Variants in KIF16B observed in about 807,000 individuals in gnomAD.
The protein encoded by KIF16B is kinesin-like protein KIF16B.
Under a neutral mutation model 156.3 loss-of-function variants are expected in KIF16B, and 98 were observed. That is an observed-to-expected ratio of 0.63 (90% confidence interval 0.53 to 0.74). The LOEUF is 0.74. Among genes scored for constraint, KIF16B ranks in the 30% least tolerant of loss-of-function variants. The pLI, the probability that KIF16B is intolerant of heterozygous loss-of-function variation, is 0.00. For synonymous variants in KIF16B, 564 were observed against 583.7 expected, an observed-to-expected ratio of 0.97 and a Z score of 0.49; for missense variants, 1,421 against 1,606.5, an observed-to-expected ratio of 0.88 and a Z score of 1.97.
At chr20:16,427,315 A>C (rs2273425) in intron 14 of KIF16B, 74 bp from the exon 15 acceptor site, 576,526 of 1,292,580 alleles carry the variant, frequency 0.45, 134,337 homozygotes, top group East Asian at 0.77. Context: ...ATTTATCTAT[A>C]AATTTATTTA....
At chr20:16,486,763 A>G (rs1165623887) in intron 12 of KIF16B, among the ~76,000 whole-genome samples, 1 of 152,180 alleles carries the variant, frequency 6.6e-6, no homozygotes, top group Non-Finnish European at 1.5e-5. Context: ...ATAACTAACT[A>G]TAAACAATAT....
At chr20:16,441,705 C>T (rs958652585) in intron 12 of KIF16B, among the ~76,000 whole-genome samples, 1 of 152,064 alleles carries the variant, frequency 6.6e-6, no homozygotes, top group African/African-American at 2.4e-5. Context: ...CAAATGACAC[C>T]TCTATCCTGC....
rs563551960 is a variant in KIF16B, at chr20:16,471,982, C to G, written c.1302+22309G>C. ...CAAATATGAGTCCAAAATTCAAGAA[C>G]TCCATGGCTGGCCTAATGTTAACAT... On this transcript the variant is annotated intron_variant, in intron 12 of 25. Coordinates refer to ENST00000354981, the MANE Select transcript of KIF16B (RefSeq NM_024704.5). 3.9e-5 allele frequency among the ~76,000 whole-genome samples: 6 copies of G among 152,302 alleles called. No individual in the cohort carries two copies. The East Asian group carries it at 1.2e-3, about 29-fold the overall frequency.
intron 12 of KIF16B, among the ~76,000 whole-genome samples, chr20:16,473,069 C>A (rs1455341261): frequency 6.6e-6 from 1 of 152,138 alleles, no homozygotes; most frequent in African/African-American, 2.4e-5. Context: ...TGGTAACCTA[C>A]AAAGAATAAA....
chr20:16,283,659 A>C lies in KIF16B; in HGVS notation c.3796-10248T>G, dbSNP rs547689454. On this transcript the variant is annotated intron_variant, in intron 25 of 25. Transcript: ENST00000354981. ...GCCTATATCAGTTTTCTACAGCTGC[A>C]CAACAAATTACCACAAACGTTGTGG... Among the ~76,000 whole-genome samples the C allele has an allele frequency of 1.1e-3, 173 of 152,322 alleles. 2 individuals carry two copies. The highest frequency in any genetic ancestry group is 2.0e-3 in the Non-Finnish European group (133 of 68,028).
intron 1 of KIF16B, among the ~76,000 whole-genome samples, chr20:16,562,659 A>C (rs1488375001): frequency 6.6e-6 from 1 of 152,236 alleles, no homozygotes; most frequent in Non-Finnish European, 1.5e-5. Context: ...AACAGCCATG[A>C]ACAAGATCTA....
chr20:16,568,598 G>A (rs1368170749), intron 1 of KIF16B, among the ~76,000 whole-genome samples: 1 of 151,956 alleles, frequency 6.6e-6, no homozygotes, highest in Non-Finnish European at 1.5e-5. Flanking sequence ...AGGATCACTT[G>A]AGCCCAGGAG....
chr20:16,511,463 T>G lies in KIF16B; in HGVS notation c.511A>C (p.Asn171His), dbSNP rs1216087534. Residue 171 changes from asparagine (N) to histidine (H), a missense_variant, in exon 6 of 26, where the codon AAT (asparagine) becomes CAT (histidine). Transcript: ENST00000354981. ...TTGGGATGCTCACGGACTCTCAAAT[T>G]GAAGGTTTTAGATGACTTCCGCCGA... ...LLRRKSSKTFNLRVREHPKEG... is the reference protein window; with the variant it reads ...LLRRKSSKTFHLRVREHPKEG... 6.2e-7 allele frequency: 1 copy of G among 1,612,686 alleles called. No individual in the cohort carries two copies. The highest frequency in any genetic ancestry group is 8.5e-7 in the Non-Finnish European group (1 of 1,179,198).
chr20:16,424,529 A>T (rs559989974), intron 15 of KIF16B, among the ~76,000 whole-genome samples: 1 of 152,298 alleles, frequency 6.6e-6, no homozygotes, highest in South Asian at 2.1e-4. Flanking sequence ...ACAGTGTGCA[A>T]CCATTAAAAA....
At chr20:16,486,183 T>C (rs73597772) in intron 12 of KIF16B, among the ~76,000 whole-genome samples, 17,767 of 152,172 alleles carry the variant, frequency 0.12, 1,335 homozygotes, top group Non-Finnish European at 0.17. Context: ...GTAATCTCCA[T>C]GAGAGCAGGG....
At chr20:16,484,129 G>T (rs1397085012) in intron 12 of KIF16B, among the ~76,000 whole-genome samples, 2 of 152,170 alleles carry the variant, frequency 1.3e-5, no homozygotes, top group African/African-American at 4.8e-5. Context: ...GATAATTTAT[G>T]GCATGGCACC....
chr20:16,312,410 G>T lies in KIF16B; in HGVS notation c.3720C>A (p.Ala1240=). ...ATAGTTTCTTTGGAGGAAATTCAAG[G>T]GCAGCAAGCTGAAATAGACATTTTA... The part of the protein sequence containing the change: ...TLKLKYAELA[A]LEFPPKKLFG... The change falls in exon 25 of 26, where the codon GCC becomes GCA. Residue 1240 remains alanine (A), a synonymous_variant. Coordinates refer to ENST00000354981, the MANE Select transcript of KIF16B (RefSeq NM_024704.5). The T allele has an allele frequency of 6.2e-7, 1 of 1,611,960 alleles. No individual in the cohort carries two copies.
In KIF16B at chr20:16,312,356, A is replaced by G; in HGVS notation, c.3774T>C (p.Ala1258=). The change falls in exon 25 of 26, where the codon GCT becomes GCC. Residue 1258 remains alanine (A), a synonymous_variant. Transcript: ENST00000354981. The stretch of plus-strand genomic sequence containing the variant: ...TTACCTCTAAGTGACTTCGTCTCTC[A>G]GCAATCACACGTTCATCCTTATTTC... ...LFGNKDERVI[A]ERRSHLEKYL... is the part of the protein sequence containing the mutation. 1 of 1,613,428 alleles carries G rather than the reference A, an allele frequency of 6.2e-7. No individual in the cohort carries two copies. Among genetic ancestry groups the G allele is most frequent in the Non-Finnish European group, 8.5e-7 (1 of 1,179,616 alleles).
chr20:16,389,824 G>C (rs548079577), intron 17 of KIF16B, among the ~76,000 whole-genome samples: 1 of 152,176 alleles, frequency 6.6e-6, no homozygotes, highest in Non-Finnish European at 1.5e-5. Flanking sequence ...CATCCATCAG[G>C]TTTCCAGCTC....
intron 12 of KIF16B, among the ~76,000 whole-genome samples, chr20:16,449,074 A>G (rs2067011021): frequency 6.6e-6 from 1 of 152,202 alleles, no homozygotes; most frequent in African/African-American, 2.4e-5. Context: ...AATGTAGGAG[A>G]AGATAACAGA....
At chr20:16,343,148 A>G (rs192434585) in intron 23 of KIF16B, among the ~76,000 whole-genome samples, 35 of 152,338 alleles carry the variant, frequency 2.3e-4, no homozygotes, top group Non-Finnish European at 4.4e-4. Context: ...CAAATTCATT[A>G]CTTCTCTCCC....
At chr20:16,356,538 ATG>A in intron 22 of KIF16B, 86 bp from the exon 23 acceptor site, 1 of 1,474,352 alleles carries the variant, frequency 6.8e-7, no homozygotes, top group Non-Finnish European at 9.3e-7. Context: ...GAGGGAGAAA[ATG>A]TGTTTCAAGT....
chr20:16,445,419 C>CGTGTGTGTGTGTGTGTGTGTGTGTGTGT (rs11467171), intron 12 of KIF16B, among the ~76,000 whole-genome samples: 3 of 146,760 alleles, frequency 2.0e-5, no homozygotes, highest in African/African-American at 7.6e-5. Flanking sequence ...CATGTATATA[C>CGTGTGTGTGTGTGTGTGTGTGTGTGTGT]GTGTGTGTGT....
intron 24 of KIF16B, among the ~76,000 whole-genome samples, chr20:16,318,991 C>T (rs2063737115): frequency 6.6e-6 from 1 of 152,078 alleles, no homozygotes; most frequent in African/African-American, 2.4e-5. Context: ...AGTATATATC[C>T]TTGAGATGAT....
Sources: gnomAD v4.1 joint callset for allele counts (sites outside exome capture counted in the v4.1 genomes callset) on GRCh38, gnomAD v4.1.1 for gene constraint, MANE v1.5 for transcripts, NCBI Gene and HGNC (gene_info 2026-07-23, HGNC 2026-07-21) for gene names.